Variants in RAPSN observed in about 807,000 individuals in gnomAD.
RAPSN encodes the protein receptor associated protein of the synapse, also known as 43 kDa receptor-associated protein of the synapse.
In RAPSN, 33 loss-of-function variants were observed where a neutral mutation model predicts 45.7. That is an observed-to-expected ratio of 0.72 (90% confidence interval 0.55 to 0.97). The LOEUF is 0.97. Among genes scored for constraint, RAPSN ranks in the 50% least tolerant of loss-of-function variants. RAPSN has a pLI of 0.00. For synonymous variants in RAPSN, 244 were observed against 233.6 expected, an observed-to-expected ratio of 1.04 and a Z score of -0.40; for missense variants, 519 against 559.4, an observed-to-expected ratio of 0.93 and a Z score of 0.73.
chr11:47,441,464 C>A, intron 5 of RAPSN, 147 bp downstream of exon 5: 1 of 1,442,962 alleles, frequency 6.9e-7, no homozygotes, highest in African/African-American at 1.4e-5. Flanking sequence ...CTTCTCTGAG[C>A]CTGGAAAATG....
rs776781597 is a variant in RAPSN at position 47,441,932 on chromosome 11, G to A, written c.691-11C>T. On this transcript the variant is annotated splice_polypyrimidine_tract_variant and intron_variant, in intron 3 of 7. Coordinates refer to ENST00000298854, the MANE Select transcript of RAPSN (RefSeq NM_005055.5). ...GATCTTCATAGACTCCTGCGAGGGA[G>A]GCCAGTGGCTCAGGCCTACTCCTCT... is the stretch of plus-strand genomic sequence containing the variant. 1.0e-4 allele frequency: 16 copies of A among 157,710 alleles called. No homozygotes were observed. The highest frequency in any genetic ancestry group is 1.6e-4 in the Non-Finnish European group (15 of 93,862). 9.8% of individuals were successfully genotyped at this position (157,710 alleles called of 1,614,324 possible).
Position 47,449,125 on chromosome 11 carries a change from C to T in RAPSN, c.-161G>A. 2 of 832,100 alleles carry T rather than the reference C, an allele frequency of 2.4e-6. No homozygotes were observed. The highest frequency in any genetic ancestry group is 3.9e-6 in the Non-Finnish European group (2 of 508,628). The allele number at this position is 832,100 out of a possible 1,614,324, so 51.5% of individuals were successfully genotyped here. ...TGGGGCCTGGATGGAGAGCAGGCGCCACCCTGGGAACAAAGCTGGTTCAGC... is the reference window on the plus strand; with the variant it reads ...TGGGGCCTGGATGGAGAGCAGGCGCTACCCTGGGAACAAAGCTGGTTCAGC... On this transcript the variant is annotated 5_prime_UTR_variant, in exon 1 of 8. Transcript: ENST00000298854.
intron 6 of RAPSN, among the ~76,000 whole-genome samples, chr11:47,440,947 C>G (rs985935968): frequency 6.6e-6 from 1 of 152,148 alleles, no homozygotes; most frequent in Admixed American, 6.5e-5. Context: ...CTGAGGAATT[C>G]TGCTATCCTC....
Position 47,448,998 on chromosome 11 carries a change from C to A in RAPSN, c.-34G>T. On this transcript the variant is annotated 5_prime_UTR_variant, in exon 1 of 8. Coordinates refer to ENST00000298854, the MANE Select transcript of RAPSN (RefSeq NM_005055.5). Reference sequence around the variant, plus strand: ...AGCCCTGTGTCCCACGTGGGGTGATCCCTGGTGGCTCCGTGCCTCTAGGCA... The same window carrying A: ...AGCCCTGTGTCCCACGTGGGGTGATACCTGGTGGCTCCGTGCCTCTAGGCA... The A allele has an allele frequency of 1.9e-6, 3 of 1,613,852 alleles. No individual in the cohort carries two copies. The highest frequency in any genetic ancestry group is 1.3e-5 in the African/African-American group (1 of 75,064).
Position 47,447,854 on chromosome 11 carries a change from G to C in RAPSN, c.489C>G (p.Cys163Trp). The stretch of plus-strand genomic sequence containing the variant: ...AGCTGCCCAGGCTGCAGCACACGCG[G>C]CACTCGAGCATGGCGTCATCATTGT... ...AHNNDDAMLE[C>W]RVCCSLGSFY... Residue 163 changes from cysteine (C) to tryptophan (W), a missense_variant, in exon 2 of 8, where the codon TGC becomes TGG. By Grantham distance (215) the Cys-to-Trp change is radical. Transcript: ENST00000298854. The C allele has an allele frequency of 6.2e-7, 1 of 1,613,230 alleles. No individual in the cohort carries two copies. Among genetic ancestry groups the C allele is most frequent in the Non-Finnish European group, 8.5e-7 (1 of 1,179,768 alleles).
rs1026111662 is a variant in RAPSN at position 47,441,705 on chromosome 11, A to G, written c.818T>C (p.Met273Thr). The change falls in exon 5 of 8, where the codon ATG (methionine) becomes ACG (threonine). Residue 273 changes from methionine to threonine, a missense_variant. By Grantham distance (81) the Met-to-Thr change is moderately conservative. Transcript: ENST00000298854. Reference sequence around the variant, plus strand: ...GTTTCCGATCTCGGTCATGATGCTCATGGCGGAGTCGTACCTGGGGAAGGC... The same window carrying G: ...GTTTCCGATCTCGGTCATGATGCTCGTGGCGGAGTCGTACCTGGGGAAGGC... Reference protein sequence around the residue: ...ETAFPRYDSAMSIMTEIGNRL... With the variant: ...ETAFPRYDSATSIMTEIGNRL... The G allele has an allele frequency of 6.2e-7, 1 of 1,608,966 alleles. No homozygotes were observed. The highest frequency in any genetic ancestry group is 8.5e-7 in the Non-Finnish European group (1 of 1,179,912).
chr11:47,438,699 C>CCCACCCCTGT, intron 7 of RAPSN, 33 bp downstream of exon 7: 1 of 1,551,700 alleles, frequency 6.4e-7, no homozygotes, highest in Non-Finnish European at 8.7e-7. Flanking sequence ...AGAGATCCTG[C>CCCACCCCTGT]CCACCCCTGT....
intron 7 of RAPSN, 120 bp downstream of exon 7, chr11:47,438,612 C>T (rs1373811683): frequency 1.6e-6 from 2 of 1,262,310 alleles, no homozygotes; most frequent in African/African-American, 1.5e-5. Flanking sequence ...CGTGAGGCAC[C>T]ACGCCTGGCC....
At chr11:47,439,667 G>A (rs995894410) in intron 6 of RAPSN, among the ~76,000 whole-genome samples, 1 of 150,952 alleles carries the variant, frequency 6.6e-6, no homozygotes, top group Non-Finnish European at 1.5e-5. Context: ...TTGAGAAGTG[G>A]TGAACCTGTT....
intron 2 of RAPSN, among the ~76,000 whole-genome samples, chr11:47,444,063 A>G (rs1020856230): frequency 2.0e-5 from 3 of 151,914 alleles, no homozygotes; most frequent in Non-Finnish European, 2.9e-5. Context: ...TTTTCAAGGT[A>G]AATCTATTTG....
chr11:47,441,668 C>T lies in RAPSN; in HGVS notation c.855G>A (p.Gln285=), dbSNP rs45603036. Residue 285 remains glutamine, a synonymous_variant, in exon 5 of 8, where the codon CAG becomes CAA. Transcript: ENST00000298854. Reference sequence around the variant, plus strand: ...TGGCCACACCCAGCAGCGCCTGCACCTGCCCCAGGCGGTTTCCGATCTCGG... The same window carrying T: ...TGGCCACACCCAGCAGCGCCTGCACTTGCCCCAGGCGGTTTCCGATCTCGG... The part of the protein sequence containing the change: ...IMTEIGNRLG[Q]VQALLGVAKC... The T allele has an allele frequency of 0.13, 203,782 of 1,609,464 alleles. 13,929 individuals carry two copies. Among genetic ancestry groups the T allele is most frequent in the Non-Finnish European group, 0.14 (167,320 of 1,179,682 alleles).
intron 7 of RAPSN, 122 bp from the exon 8 acceptor site, chr11:47,438,169 G>A: frequency 2.5e-6 from 3 of 1,203,240 alleles, no homozygotes; most frequent in Non-Finnish European, 3.6e-6. Flanking sequence ...TTCAGCAGCA[G>A]TGGAAGGGAA....
intron 5 of RAPSN, 90 bp downstream of exon 5, chr11:47,441,521 G>A: frequency 6.3e-7 from 1 of 1,582,988 alleles, no homozygotes; most frequent in Non-Finnish European, 8.5e-7. Flanking sequence ...GCTGACGTCA[G>A]ACAAAGTGGC....
rs372865599 is a variant in RAPSN at position 47,438,808 on chromosome 11, C to T, written c.1090G>A (p.Gly364Ser). Residue 364 changes from glycine (G) to serine (S), a missense_variant, in exon 7 of 8, where the codon GGC (glycine) becomes AGC (serine). Transcript: ENST00000298854. Reference sequence around the variant, plus strand: ...TCGCCTATGGACTCGCCGCACAGGCCGCAGTAGAGCTCCGTCTCCTCCACG... The same window carrying T: ...TCGCCTATGGACTCGCCGCACAGGCTGCAGTAGAGCTCCGTCTCCTCCACG... ...ECVEETELYC[G>S]LCGESIGEKN... The T allele has an allele frequency of 2.0e-5, 31 of 1,573,448 alleles. No homozygotes were observed. Among genetic ancestry groups the T allele is most frequent in the Non-Finnish European group, 2.5e-5 (29 of 1,158,270 alleles).
Position 47,445,056 on chromosome 11 carries a change from T to C in RAPSN, c.532-2242A>G, listed in dbSNP as rs537210757. On this transcript the variant is annotated intron_variant, in intron 2 of 7. Transcript: ENST00000298854. Reference sequence around the variant, plus strand: ...GGCTAACATGGTGAAACCCCGTCTCTACTAGAAATACACACACAAAAAAAA... The same window carrying C: ...GGCTAACATGGTGAAACCCCGTCTCCACTAGAAATACACACACAAAAAAAA... Among the ~76,000 whole-genome samples, 3 of 149,702 alleles carry C rather than the reference T, an allele frequency of 2.0e-5. No homozygotes were observed. In the South Asian group the frequency reaches 6.3e-4, roughly 31 times the overall value.
intron 6 of RAPSN, among the ~76,000 whole-genome samples, chr11:47,440,006 G>A (rs2076350990): frequency 6.6e-6 from 1 of 152,052 alleles, no homozygotes; most frequent in Admixed American, 6.6e-5. Context: ...TTGGTTTTTA[G>A]GCCATGCTAA....
Position 47,448,036 on chromosome 11 carries a change from T to C in RAPSN, c.307A>G (p.Ile103Val). ...NEKLCEFHKT[I>V]SYCKTCLGLP... ...CCAAGGCAGGTCTTGCAGTAGGAGATGGTCTTGTGAAACTCGCACAGCTTC... is the reference window on the plus strand; with the variant it reads ...CCAAGGCAGGTCTTGCAGTAGGAGACGGTCTTGTGAAACTCGCACAGCTTC... Residue 103 changes from isoleucine to valine, a missense_variant, in exon 2 of 8, where the codon ATC becomes GTC. By Grantham distance (29) the Ile-to-Val change is conservative. Transcript: ENST00000298854. 6.2e-7 allele frequency: 1 copy of C among 1,613,980 alleles called. No individual in the cohort carries two copies.
In RAPSN at chr11:47,448,883, C is replaced by T. The variant is rs199984356; in HGVS notation, c.82G>A (p.Val28Met). 3 of 1,614,240 alleles carry T rather than the reference C, an allele frequency of 1.9e-6. No homozygotes were observed. Among genetic ancestry groups the T allele is most frequent in the Admixed American group, 1.7e-5 (1 of 60,022 alleles). ...QSNQTEKALQ[V>M]WTKVLEKSSD... Reference sequence around the variant, plus strand: ...CTCTTCTCCAGCACCTTTGTCCACACCTGCAATGCCTTCTCTGTCTGGTTG... The same window carrying T: ...CTCTTCTCCAGCACCTTTGTCCACATCTGCAATGCCTTCTCTGTCTGGTTG... The change falls in exon 1 of 8, where the codon GTG (valine) becomes ATG (methionine). Residue 28 changes from valine (V) to methionine (M), a missense_variant. Val to Met is a conservative substitution (Grantham distance 21). Coordinates refer to ENST00000298854, the MANE Select transcript of RAPSN (RefSeq NM_005055.5).
chr11:47,438,206 G>T (rs1055892692), intron 7 of RAPSN, among the ~76,000 whole-genome samples, 159 bp from the exon 8 acceptor site: 1 of 152,032 alleles, frequency 6.6e-6, no homozygotes, highest in African/African-American at 2.4e-5. Context: ...GGCTCCCACT[G>T]CACCCGGCTT....
Sources: allele counts gnomAD v4.1 joint callset (sites outside exome capture counted in the v4.1 genomes callset), GRCh38; gene constraint gnomAD v4.1.1; transcripts MANE v1.5; gene names NCBI Gene and HGNC (gene_info 2026-07-23, HGNC 2026-07-21).